The following THSD4 variants were observed in gnomAD, a reference collection of about 807,000 sequenced individuals.
The protein encoded by THSD4 is thrombospondin type-1 domain-containing protein 4.
THSD4 carries 69 observed loss-of-function variants against 119.0 expected under a neutral mutation model. The ratio of observed to expected loss-of-function variants is 0.58; its 90% CI spans 0.48 to 0.71. The LOEUF (loss-of-function observed/expected upper bound fraction) is 0.71. Among genes scored for constraint, THSD4 ranks in the 30% least tolerant of loss-of-function variants. The pLI, the probability that THSD4 is intolerant of heterozygous loss-of-function variation, is 0.00. For synonymous variants in THSD4, 524 were observed against 540.4 expected, an observed-to-expected ratio of 0.97 and a Z score of 0.42; for missense variants, 1,393 against 1,391.1, an observed-to-expected ratio of 1.00 and a Z score of -0.02.
At chr15:71,463,327 GGACCCGTGACAGAGCCATTTGGCA>G (rs1249237100) in intron 7 of THSD4, among the ~76,000 whole-genome samples, 1 of 152,152 alleles carries the variant, frequency 6.6e-6, no homozygotes, top group Non-Finnish European at 1.5e-5. Context: ...GAGTAGAACA[GGACCCGTGACAGAGCCATTTGGCA>G]GACCCAGGTC....
At chr15:71,756,954 AT>A (rs2141192650) in intron 14 of THSD4, among the ~76,000 whole-genome samples, 1 of 152,254 alleles carries the variant, frequency 6.6e-6, no homozygotes, top group African/African-American at 2.4e-5. Context: ...ACTAATAGAT[AT>A]TTGGCTTTAA....
At chr15:71,482,738 T>C (rs2047752557) in intron 7 of THSD4, among the ~76,000 whole-genome samples, 1 of 151,964 alleles carries the variant, frequency 6.6e-6, no homozygotes, top group African/African-American at 2.4e-5. Context: ...GGTGGCCGCC[T>C]CCACACACGG....
chr15:71,234,935 C>T (rs1418660641), intron 4 of THSD4, among the ~76,000 whole-genome samples: 1 of 152,244 alleles, frequency 6.6e-6, no homozygotes, highest in African/African-American at 2.4e-5. Context: ...AGGATCCCCA[C>T]ACTCACATCT....
chr15:71,195,929 A>G (rs8032692), intron 3 of THSD4, among the ~76,000 whole-genome samples: 71,103 of 152,134 alleles, frequency 0.47, 20,050 homozygotes, highest in African/African-American at 0.79. Context: ...ATGTTGAATA[A>G]CCACTGCATC....
At chr15:71,362,191 A>G (rs895672145) in intron 6 of THSD4, among the ~76,000 whole-genome samples, 9 of 152,324 alleles carry the variant, frequency 5.9e-5, no homozygotes, top group African/African-American at 2.2e-4. Context: ...AGGCAGAAGA[A>G]TCGCTTGAAC....
intron 7 of THSD4, among the ~76,000 whole-genome samples, chr15:71,529,791 T>C (rs943702136): frequency 6.6e-6 from 1 of 152,236 alleles, no homozygotes; most frequent in African/African-American, 2.4e-5. Flanking sequence ...CTTCATCAAC[T>C]GTAAAATGAA....
chr15:71,513,298 G>A (rs184508622), intron 7 of THSD4, among the ~76,000 whole-genome samples: 1 of 152,332 alleles, frequency 6.6e-6, no homozygotes, highest in Non-Finnish European at 1.5e-5. Context: ...AAGTTTCATA[G>A]ACTGTTACAG....
rs1185451144 is a variant in THSD4, at chr15:71,299,976, AATAT to A, written c.1015+43284_1015+43287del. The stretch of plus-strand genomic sequence containing the variant: ...TGTCTCTACCAAAAAAAAAAAAAAA[AATAT>A]ATATATATATATATATATATATTAG... On this transcript the variant is annotated intron_variant, in intron 6 of 17. Transcript: ENST00000261862. Among the ~76,000 whole-genome samples the A allele has an allele frequency of 7.6e-3, 369 of 48,262 alleles. 3 individuals carry two copies. The highest frequency in any genetic ancestry group is 0.026 in the African/African-American group (334 of 12,924). 31.7% of individuals were successfully genotyped at this position (48,262 alleles called of 152,430 possible).
chr15:71,155,059 A>G (rs2040763248), intron 3 of THSD4, 127 bp downstream of exon 3: 1 of 838,102 alleles, frequency 1.2e-6, no homozygotes, highest in African/African-American at 1.7e-5. Context: ...CACCATTTAC[A>G]GAATATGGAG....
At chr15:71,174,233 G>C (rs1246403484) in intron 3 of THSD4, among the ~76,000 whole-genome samples, 6 of 152,182 alleles carry the variant, frequency 3.9e-5, no homozygotes, top group Admixed American at 3.9e-4. Flanking sequence ...TCCATCTGAG[G>C]TACCGGGTTC....
In THSD4 at chr15:71,148,927, T is replaced by G. The variant is rs149253064; in HGVS notation, c.30-5936T>G. ...CTGCAAAATGGGTATAATAAAAGTG[T>G]CTGATAGGATGGTTATGAAGTACTA... On this transcript the variant is annotated intron_variant, in intron 2 of 17. Coordinates refer to ENST00000261862, the MANE Select transcript of THSD4 (RefSeq NM_024817.3). Among the ~76,000 whole-genome samples the G allele has an allele frequency of 2.0e-3, 301 of 152,292 alleles. 2 individuals are homozygous for G. Among genetic ancestry groups the G allele is most frequent in the African/African-American group, 7.1e-3 (293 of 41,554 alleles).
intron 7 of THSD4, among the ~76,000 whole-genome samples, chr15:71,659,865 G>C (rs923597116): frequency 1.1e-4 from 17 of 152,176 alleles, no homozygotes; most frequent in African/African-American, 4.1e-4. Context: ...TTTATACACT[G>C]ATGAGACCAG....
intron 6 of THSD4, among the ~76,000 whole-genome samples, chr15:71,263,461 CATGT>C (rs1374734845): frequency 6.6e-6 from 1 of 151,778 alleles, no homozygotes; most frequent in Non-Finnish European, 1.5e-5. Context: ...ATAATGCATG[CATGT>C]GTCTTTATAA....
chr15:71,548,670 G>A (rs567870701), intron 7 of THSD4, among the ~76,000 whole-genome samples: 12 of 152,326 alleles, frequency 7.9e-5, no homozygotes, highest in Middle Eastern at 3.4e-3. Flanking sequence ...GGGAGCAGGA[G>A]GAACTGAATG....
intron 7 of THSD4, among the ~76,000 whole-genome samples, chr15:71,655,260 G>A (rs903179913): frequency 1.3e-5 from 2 of 152,098 alleles, no homozygotes; most frequent in East Asian, 1.9e-4. Context: ...GGCCTTTTTC[G>A]ACAGGTACCG....
chr15:71,243,225 C>A (rs1460580852), intron 5 of THSD4, 129 bp downstream of exon 5: 2 of 932,718 alleles, frequency 2.1e-6, no homozygotes, highest in Admixed American at 6.3e-5. Context: ...TTTAATCTTC[C>A]TCCTTTCTCT....
Position 71,660,856 on chromosome 15 carries a change from G to C in THSD4, c.1357+122G>C, listed in dbSNP as rs542013029. ...CGGGGCATGCAGGCAGTGCCCCTGG[G>C]GAATGTCAAAGTACCACCTGGCCTG... On this transcript the variant is annotated intron_variant, in intron 8 of 17. Transcript: ENST00000261862. 225 of 1,117,362 alleles carry C rather than the reference G, an allele frequency of 2.0e-4. 5 individuals carry two copies. In the South Asian group the frequency reaches 3.3e-3, roughly 16 times the overall value. The allele number at this position is 1,117,362 out of a possible 1,614,324, so 69.2% of individuals were successfully genotyped here. A position where few individuals can be genotyped will look rare whatever the true frequency, so the allele number is the denominator to read the frequency against.
At chr15:71,342,146 AGGT>A (rs2045588037) in intron 6 of THSD4, among the ~76,000 whole-genome samples, 1 of 149,332 alleles carries the variant, frequency 6.7e-6, no homozygotes, top group Admixed American at 6.8e-5. Context: ...TAAAAAAAAA[AGGT>A]GGGGGACAGT....
At chr15:71,764,250 A>G (rs2053676721) in intron 15 of THSD4, among the ~76,000 whole-genome samples, 1 of 152,252 alleles carries the variant, frequency 6.6e-6, no homozygotes, top group African/African-American at 2.4e-5. Context: ...TGTCTCAAAA[A>G]CAAGGAAAAA....
Sources: gnomAD v4.1 joint callset for allele counts (sites outside exome capture counted in the v4.1 genomes callset) on GRCh38, gnomAD v4.1.1 for gene constraint, MANE v1.5 for transcripts, NCBI Gene and HGNC (gene_info 2026-07-23, HGNC 2026-07-21) for gene names.